RCC1L: variants seen among roughly 807,000 people sequenced by gnomAD.
RCC1L encodes the protein RCC1-like G exchanging factor-like protein.
Under a neutral mutation model 58.6 loss-of-function variants are expected in RCC1L, and 46 were observed. That is an observed-to-expected ratio of 0.79 (90% confidence interval 0.62 to 1.00). RCC1L has a LOEUF of 1.00. Among genes scored for constraint, RCC1L ranks in the 50% least tolerant of loss-of-function variants. The pLI is 0.00. For missense variants in RCC1L, 636 were observed against 623.6 expected (o/e 1.02, Z -0.21); for synonymous variants, 281 against 262.9 (o/e 1.07, Z -0.67).
downstream of RCC1L, chr7:75,042,073 C>A: frequency 3.2e-6 from 2 of 617,720 alleles, no homozygotes; most frequent in Non-Finnish European, 4.0e-6. Flanking sequence ...AAAAAGACCT[C>A]ATCTCTATAA....
At chr7:75,069,718 C>T (rs587677974) in intron 2 of RCC1L, among the ~76,000 whole-genome samples, 1 of 152,042 alleles carries the variant, frequency 6.6e-6, no homozygotes, top group African/African-American at 2.4e-5. Context: ...TGCGTGCCAC[C>T]ATGCCCGGCT....
exon 11 of RCC1L, chr7:75,027,589 G>A (rs975622661): frequency 9.9e-5 from 18 of 182,450 alleles, no homozygotes; most frequent in Non-Finnish European, 1.6e-4. Flanking sequence ...GACTGGCCTC[G>A]TGTCATGGAG....
At chr7:75,039,626 G>T (rs977538628), downstream of RCC1L, among the ~76,000 whole-genome samples, 3 of 152,116 alleles carry the variant, frequency 2.0e-5, no homozygotes, top group Non-Finnish European at 2.9e-5. Flanking sequence ...AGGGAGATGG[G>T]GGGGAGGCCT....
intron 10 of RCC1L, among the ~76,000 whole-genome samples, chr7:75,045,889 G>T (rs1371594943): frequency 2.6e-5 from 4 of 152,252 alleles, no homozygotes; most frequent in African/African-American, 9.6e-5. Flanking sequence ...CTGCCAGGAT[G>T]CTGGCACTTG....
chr7:75,040,704 C>T (rs1009947574), downstream of RCC1L, among the ~76,000 whole-genome samples: 5 of 152,188 alleles, frequency 3.3e-5, no homozygotes, highest in Middle Eastern at 6.8e-3. Context: ...ACTGCAGAGG[C>T]GACTTTAGAC....
chr7:75,051,514 A>T (rs1251445510), intron 10 of RCC1L, among the ~76,000 whole-genome samples: 3 of 151,878 alleles, frequency 2.0e-5, no homozygotes, highest in Non-Finnish European at 4.4e-5. Context: ...CCCGGGTTCA[A>T]GTGATTTCCT....
chr7:75,029,362 CTTTTTTTT>C (rs1177516960), intron 10 of RCC1L, among the ~76,000 whole-genome samples: 1 of 126,194 alleles, frequency 7.9e-6, no homozygotes, highest in African/African-American at 2.9e-5. Flanking sequence ...ATGGGGGGAT[CTTTTTTTT>C]TTTTTTTTTT....
At position 75,072,990 on chromosome 7, in the gene RCC1L, A is replaced by G. The variant is rs587760110; in HGVS notation, c.324+424T>C. ...TCCCCTTTCTGAGTTGTTCATTGAA[A>G]CACCTCAGCTGGTATACATTTTCAA... On this transcript the variant is annotated intron_variant, in intron 1 of 10. Transcript: ENST00000610322. Among the ~76,000 whole-genome samples, 45 of 152,274 alleles carry G rather than the reference A, an allele frequency of 3.0e-4. 1 individual carries two copies. The highest frequency in any genetic ancestry group is 1.1e-3 in the African/African-American group (44 of 41,570).
At chr7:75,031,176 G>A (rs1315316018) in intron 10 of RCC1L, among the ~76,000 whole-genome samples, 2 of 152,176 alleles carry the variant, frequency 1.3e-5, no homozygotes, top group Middle Eastern at 3.4e-3. Flanking sequence ...CTGAGATGGG[G>A]GTGAGTGGAT....
chr7:75,057,543 C>T lies in RCC1L; in HGVS notation c.1043G>A (p.Cys348Tyr). Reference protein sequence around the residue: ...VRQAACGGTGCAVLNGEGHVF... With the variant: ...VRQAACGGTGYAVLNGEGHVF... ...GAAGGTCTCACCGTTTAACACTGCACAGCCCGTGCCACCGCATGCAGCCTG... is the reference window on the plus strand; with the variant it reads ...GAAGGTCTCACCGTTTAACACTGCATAGCCCGTGCCACCGCATGCAGCCTG... The change falls in exon 8 of 11, where the codon TGT (cysteine) becomes TAT (tyrosine). Residue 348 changes from cysteine (C) to tyrosine (Y), a missense_variant. Coordinates refer to ENST00000610322, the MANE Select transcript of RCC1L (RefSeq NM_030798.5). 6.2e-7 allele frequency: 1 copy of T among 1,613,976 alleles called. No individual in the cohort carries two copies. Among genetic ancestry groups the T allele is most frequent in the Admixed American group, 1.7e-5 (1 of 60,022 alleles).
chr7:75,050,851 G>C (rs1411509707), intron 10 of RCC1L, among the ~76,000 whole-genome samples: 3 of 152,104 alleles, frequency 2.0e-5, no homozygotes. Flanking sequence ...CAGCACTTTG[G>C]GAAGCTGAGG....
chr7:75,066,847 T>C (rs1415428896), intron 2 of RCC1L, 55 bp from the exon 3 acceptor site: 4 of 1,569,394 alleles, frequency 2.5e-6, no homozygotes, highest in East Asian at 2.3e-5. Flanking sequence ...CTGGAAATCA[T>C]ACTGTCCAAC....
chr7:75,056,657 G>T, intron 8 of RCC1L: 1 of 1,535,404 alleles, frequency 6.5e-7, no homozygotes, highest in Non-Finnish European at 8.7e-7. Flanking sequence ...CTAAGGGAGG[G>T]GAATGAAGTA....
chr7:75,039,877 C>T (rs1043020956), downstream of RCC1L, among the ~76,000 whole-genome samples: 12 of 152,254 alleles, frequency 7.9e-5, no homozygotes, highest in Non-Finnish European at 1.0e-4. Context: ...TCAAGCCTAG[C>T]AACCGAGCTA....
downstream of RCC1L, among the ~76,000 whole-genome samples, chr7:75,038,526 C>T (rs957558400): frequency 3.0e-4 from 44 of 149,046 alleles, no homozygotes; most frequent in Admixed American, 1.1e-3. Context: ...CTCCGCTTCC[C>T]GCCTTTTTTT....
At chr7:75,027,841 T>G (rs1584481404) in exon 11 of RCC1L, 1 of 667,718 alleles carries the variant, frequency 1.5e-6, no homozygotes, top group Non-Finnish European at 2.7e-6. Flanking sequence ...CTCTTCGGGG[T>G]GGGGTGTGAG....
chr7:75,056,958 G>A (rs1301543392), intron 8 of RCC1L, among the ~76,000 whole-genome samples: 1 of 152,038 alleles, frequency 6.6e-6, no homozygotes, highest in Non-Finnish European at 1.5e-5. Flanking sequence ...CTACAGGTGT[G>A]CACCACCATG....
intron 10 of RCC1L, among the ~76,000 whole-genome samples, chr7:75,051,369 C>CAT (rs1231313535): frequency 8.7e-5 from 13 of 149,810 alleles, no homozygotes; most frequent in Non-Finnish European, 1.2e-4. Flanking sequence ...TATATACACA[C>CAT]ATATATATAT....
At chr7:75,068,443 T>C (rs1389410470) in intron 2 of RCC1L, among the ~76,000 whole-genome samples, 3 of 152,112 alleles carry the variant, frequency 2.0e-5, no homozygotes, top group Non-Finnish European at 4.4e-5. Flanking sequence ...CCCAGCACTC[T>C]GGGAGGCCAA....
Sources: gnomAD v4.1 joint callset for allele counts (sites outside exome capture counted in the v4.1 genomes callset) on GRCh38, gnomAD v4.1.1 for gene constraint, MANE v1.5 for transcripts, NCBI Gene and HGNC (gene_info 2026-07-23, HGNC 2026-07-21) for gene names.